The following SLC26A7 variants were observed in gnomAD, a reference collection of about 807,000 sequenced individuals.
SLC26A7 encodes the protein solute carrier family 26 member 7.
In SLC26A7, 59 loss-of-function variants were observed where a neutral mutation model predicts 82.5. That is an observed-to-expected ratio of 0.72 (90% CI 0.58 to 0.89). SLC26A7 has a LOEUF of 0.89. Among genes scored for constraint, SLC26A7 ranks in the 40% least tolerant of loss-of-function variants. The probability of loss-of-function intolerance (pLI) is 0.00; values close to 1 mark genes in which losing one functional copy is unlikely to be tolerated. For synonymous variants in SLC26A7, 271 were observed against 274.3 expected (o/e 0.99, Z 0.12); for missense variants, 820 against 793.0 (o/e 1.03, Z -0.41).
At position 91,316,988 on chromosome 8, in the gene SLC26A7, T is replaced by TAAAAAAAAA. The variant is rs61581659; in HGVS notation, c.478-1203_478-1195dup. On this transcript the variant is annotated intron_variant, in intron 4 of 18. Transcript: ENST00000276609. ...GGGCAACACAGTGAGACCCTGTCTC[T>TAAAAAAAAA]AAAAAAAAAAAAAAAAAAAAAAAAA... 2.1e-3 allele frequency among the ~76,000 whole-genome samples: 33 copies of TAAAAAAAAA among 15,540 alleles called. 9 individuals carry two copies. The highest frequency in any genetic ancestry group is 2.6e-3 in the Non-Finnish European group (18 of 6,846). 10.2% of individuals were successfully genotyped at this position (15,540 alleles called of 152,430 possible). A position where few individuals can be genotyped will look rare whatever the true frequency, so the allele number is the denominator to read the frequency against.
intron 2 of SLC26A7, among the ~76,000 whole-genome samples, chr8:91,231,438 G>A (rs1368873199): frequency 6.6e-6 from 1 of 152,118 alleles, no homozygotes; most frequent in Non-Finnish European, 1.5e-5. Context: ...ATGGCGAGAA[G>A]GCCAAAATCA....
intron 4 of SLC26A7, among the ~76,000 whole-genome samples, chr8:91,314,836 T>C (rs1812584751): frequency 6.6e-6 from 1 of 152,226 alleles, no homozygotes; most frequent in South Asian, 2.1e-4. Context: ...GGATAATTCA[T>C]CTTTTCTCAT....
intron 2 of SLC26A7, among the ~76,000 whole-genome samples, chr8:91,239,960 A>G (rs1410504159): frequency 6.6e-6 from 1 of 152,214 alleles, no homozygotes; most frequent in East Asian, 1.9e-4. Context: ...AGACTTAAAC[A>G]TTATCCAAAT....
intron 11 of SLC26A7, among the ~76,000 whole-genome samples, chr8:91,354,420 T>C (rs1026122112): frequency 8.5e-5 from 13 of 152,120 alleles, no homozygotes; most frequent in African/African-American, 2.9e-4. Context: ...GTAGAACATA[T>C]AATGTGAGGA....
intron 13 of SLC26A7, among the ~76,000 whole-genome samples, chr8:91,364,914 T>C (rs1232949727): frequency 1.3e-5 from 2 of 152,188 alleles, no homozygotes; most frequent in Non-Finnish European, 2.9e-5. Context: ...CTCTAATTAT[T>C]CAATGTTTTG....
intron 2 of SLC26A7, among the ~76,000 whole-genome samples, chr8:91,271,978 G>C (rs34705486): frequency 6.6e-6 from 1 of 152,030 alleles, no homozygotes; most frequent in Admixed American, 6.5e-5. Flanking sequence ...CCTAGTTATG[G>C]GTGTTCATGG....
chr8:91,351,806 A>G lies in SLC26A7; in HGVS notation c.1141-4A>G, dbSNP rs367766265. ...TTCCTTTTTGTCTGTCTTGTATTTTACAGGTGGCTTGTCTAATATCTTGCA... is the reference window on the plus strand; with the variant it reads ...TTCCTTTTTGTCTGTCTTGTATTTTGCAGGTGGCTTGTCTAATATCTTGCA... On this transcript the variant is annotated splice_polypyrimidine_tract_variant and splice_region_variant and intron_variant, in intron 9 of 18. Coordinates refer to ENST00000276609, the MANE Select transcript of SLC26A7 (RefSeq NM_052832.4). The G allele has an allele frequency of 1.2e-5, 19 of 1,604,268 alleles. No homozygotes were observed. In the African/African-American group the frequency reaches 2.3e-4, roughly 19 times the overall value.
intron 15 of SLC26A7, among the ~76,000 whole-genome samples, chr8:91,382,746 T>A (rs1814700676): frequency 6.6e-6 from 1 of 152,214 alleles, no homozygotes; most frequent in African/African-American, 2.4e-5. Flanking sequence ...TTAAGGTAAA[T>A]AATGCATTTT....
chr8:91,390,610 G>A (rs188857812), intron 16 of SLC26A7, among the ~76,000 whole-genome samples: 9 of 151,986 alleles, frequency 5.9e-5, no homozygotes, highest in African/African-American at 2.2e-4. Flanking sequence ...CTTCCCAGAG[G>A]TTTTCTTACT....
At chr8:91,270,356 G>A (rs901803770) in intron 2 of SLC26A7, among the ~76,000 whole-genome samples, 16 of 152,128 alleles carry the variant, frequency 1.1e-4, no homozygotes, top group African/African-American at 2.2e-4. Context: ...ACTGCTTGCC[G>A]TTGTTTCCTG....
At chr8:91,308,867 T>C (rs182977101) in intron 4 of SLC26A7, among the ~76,000 whole-genome samples, 1 of 152,298 alleles carries the variant, frequency 6.6e-6, no homozygotes, top group Admixed American at 6.5e-5. Context: ...GACACCCTTA[T>C]TTGTTTATTT....
chr8:91,375,429 G>T (rs2130887153), intron 15 of SLC26A7, among the ~76,000 whole-genome samples: 1 of 152,056 alleles, frequency 6.6e-6, no homozygotes, highest in South Asian at 2.1e-4. Context: ...GGGTTGGTCT[G>T]GTTGTCCTTA....
intron 2 of SLC26A7, among the ~76,000 whole-genome samples, chr8:91,241,502 G>A (rs1470812484): frequency 1.3e-5 from 2 of 152,064 alleles, no homozygotes; most frequent in East Asian, 3.9e-4. Context: ...AATAGCTTCT[G>A]AATTCTTATC....
intron 4 of SLC26A7, among the ~76,000 whole-genome samples, chr8:91,317,827 T>G (rs562034198): frequency 5.0e-4 from 76 of 151,798 alleles, no homozygotes; most frequent in Non-Finnish European, 8.0e-4. Flanking sequence ...TTTTGAAACA[T>G]GTAGGATTAG....
intron 2 of SLC26A7, among the ~76,000 whole-genome samples, chr8:91,224,159 A>G (rs1489136570): frequency 6.6e-6 from 1 of 151,876 alleles, no homozygotes; most frequent in African/African-American, 2.4e-5. Flanking sequence ...TTTATTACCC[A>G]TCTTCTGAAG....
intron 15 of SLC26A7, among the ~76,000 whole-genome samples, chr8:91,375,398 C>T (rs1272097489): frequency 6.6e-6 from 1 of 152,042 alleles, no homozygotes; most frequent in Non-Finnish European, 1.5e-5. Context: ...ATGTTTAGAA[C>T]TCTTTTGAAC....
At chr8:91,350,979 T>G (rs868507607) in intron 9 of SLC26A7, among the ~76,000 whole-genome samples, 1 of 152,108 alleles carries the variant, frequency 6.6e-6, no homozygotes, top group Admixed American at 6.6e-5. Context: ...ATTGTTTGTT[T>G]ATATATTTAT....
intron 14 of SLC26A7, among the ~76,000 whole-genome samples, chr8:91,367,334 A>G (rs1448640470): frequency 1.3e-5 from 2 of 152,192 alleles, no homozygotes; most frequent in Non-Finnish European, 2.9e-5. Flanking sequence ...TAAACAAAAA[A>G]GGCATTAGAT....
At position 91,244,197 on chromosome 8, in the gene SLC26A7, T is replaced by C. The variant is rs186082179; in HGVS notation, c.-33-5422T>C. Among the ~76,000 whole-genome samples, 39 of 152,280 alleles carry C rather than the reference T, an allele frequency of 2.6e-4. No individual in the cohort carries two copies. The East Asian group carries it at 7.5e-3, about 29-fold the overall frequency. On this transcript the variant is annotated intron_variant, in intron 2 of 5. Transcript: ENST00000522862. ...TTCTTCTTAAGCCATGATACGGCCA[T>C]AGTTTATTTTACTTATTTTTTATCA... is the stretch of plus-strand genomic sequence containing the variant.
Sources: gnomAD v4.1 joint callset for allele counts (sites outside exome capture counted in the v4.1 genomes callset) on GRCh38, gnomAD v4.1.1 for gene constraint, MANE v1.5 for transcripts, NCBI Gene and HGNC (gene_info 2026-07-23, HGNC 2026-07-21) for gene names.